The following DOT1L variants were observed in gnomAD, a reference collection of about 807,000 sequenced individuals.
DOT1L encodes the protein histone-lysine N-methyltransferase, H3 lysine-79 specific.
In DOT1L, 33 loss-of-function variants were observed where a neutral mutation model predicts 153.3. That is an observed-to-expected ratio of 0.22 (90% CI 0.16 to 0.29). DOT1L has a LOEUF of 0.29. DOT1L is among the 10% of genes least tolerant of loss of function. The pLI, the probability that DOT1L is intolerant of heterozygous loss-of-function variation, is 1.00. For synonymous variants in DOT1L, 1,135 were observed against 965.1 expected (o/e 1.18, Z -3.26); for missense variants, 1,847 against 2,119.9 (o/e 0.87, Z 2.53).
Position 2,217,909 on chromosome 19 carries a change from C to G in DOT1L, c.2682C>G (p.Ala894=), listed in dbSNP as rs773254605. ...CCAGCGTGGTGCTGCCCAGCCGCGCCGAGAGGGCGGTGAGTGGCTCCCAGG... is the reference window on the plus strand; with the variant it reads ...CCAGCGTGGTGCTGCCCAGCCGCGCGGAGAGGGCGGTGAGTGGCTCCCAGG... ...PLASVVLPSR[A]ERARSTPSPV... Residue 894 remains alanine (A), a synonymous_variant, in exon 22 of 28, where the codon GCC becomes GCG. Coordinates refer to ENST00000398665, the MANE Select transcript of DOT1L (RefSeq NM_032482.3). This position sits in a 1 kb window ranked among gnomAD's most constrained non-coding sequence, Gnocchi z 7.3. 1.9e-6 allele frequency: 3 copies of G among 1,611,766 alleles called. No homozygotes were observed. The highest frequency in any genetic ancestry group is 2.5e-6 in the Non-Finnish European group (3 of 1,179,706).
At chr19:2,177,721 C>T (rs61508172) in intron 1 of DOT1L, among the ~76,000 whole-genome samples, 1 of 152,036 alleles carries the variant, frequency 6.6e-6, no homozygotes, top group Non-Finnish European at 1.5e-5. Context: ...CAGCCCTGCT[C>T]TCCGCTCTGC....
At position 2,216,200 on chromosome 19, in the gene DOT1L, C is replaced by T. The variant is rs575963513; in HGVS notation, c.1924-81C>T. 172 of 1,489,218 alleles carry T rather than the reference C, an allele frequency of 1.2e-4. 3 individuals carry two copies. In the South Asian group the frequency reaches 1.7e-3, roughly 15 times the overall value. 92.3% of individuals were successfully genotyped at this position (1,489,218 alleles called of 1,614,324 possible). ...GCAGCGGGGGTCCTGGCCACCCCTC[C>T]GGGTGTCCATCTGTGGCAGTCTTGG... is the stretch of plus-strand genomic sequence containing the variant. On this transcript the variant is annotated intron_variant, in intron 19 of 27. Transcript: ENST00000398665.
intron 27 of DOT1L, chr19:2,229,450 G>T (rs1452396924): frequency 1.2e-5 from 12 of 985,354 alleles, no homozygotes; most frequent in Admixed American, 6.1e-5. Flanking sequence ...AGCCTGGCGG[G>T]TCAATGCGGG....
At position 2,208,784 on chromosome 19, in the gene DOT1L, T is replaced by TG. The variant is rs2023602265; in HGVS notation, c.964-145dup. On this transcript the variant is annotated intron_variant, in intron 11 of 27. Coordinates refer to ENST00000398665, the MANE Select transcript of DOT1L (RefSeq NM_032482.3). This position sits in a 1 kb window ranked among gnomAD's most constrained non-coding sequence, Gnocchi z 4.4. ...GGTTAGTCACATCCGCGTTTGCCACTGGGGGGCTCTAGCTGCATGCCTGCT... is the reference window on the plus strand; with the variant it reads ...GGTTAGTCACATCCGCGTTTGCCACTGGGGGGGCTCTAGCTGCATGCCTGCT... 6.5e-6 allele frequency: 5 copies of TG among 767,518 alleles called. No homozygotes were observed. The highest frequency in any genetic ancestry group is 4.3e-6 in the Non-Finnish European group (2 of 466,638). The allele number at this position is 767,518 out of a possible 1,614,324, so 47.5% of individuals were successfully genotyped here. A position where few individuals can be genotyped will look rare whatever the true frequency, so the allele number is the denominator to read the frequency against.
chr19:2,193,872 G>T lies in DOT1L; in HGVS notation c.588+89G>T, dbSNP rs2022901098. 2 of 1,365,764 alleles carry T rather than the reference G, an allele frequency of 1.5e-6. No individual in the cohort carries two copies. Among genetic ancestry groups the T allele is most frequent in the Non-Finnish European group, 2.0e-6 (2 of 988,890 alleles). The allele number at this position is 1,365,764 out of a possible 1,614,324, so 84.6% of individuals were successfully genotyped here. A position where few individuals can be genotyped will look rare whatever the true frequency, so the allele number is the denominator to read the frequency against. ...GGGTGCCTGCACCCCACTGCTGTGG[G>T]ACTTCCGAGTCTGGGTGGCGTTCTT... On this transcript the variant is annotated intron_variant, in intron 6 of 27. Transcript: ENST00000398665. This position sits in a 1 kb window ranked among gnomAD's most constrained non-coding sequence, Gnocchi z 5.9.
chr19:2,223,506 G>A lies in DOT1L; in HGVS notation c.3596+20G>A, dbSNP rs747153385. ...TGCTCGGCGAGTCCAGGGGCCCGGA[G>A]GGGGGCGGGGCCTGGCAGCAGGGGC... On this transcript the variant is annotated intron_variant, in intron 25 of 27. Coordinates refer to ENST00000398665, the MANE Select transcript of DOT1L (RefSeq NM_032482.3). The A allele has an allele frequency of 5.0e-6, 8 of 1,587,408 alleles. No homozygotes were observed. Among genetic ancestry groups the A allele is most frequent in the Non-Finnish European group, 6.8e-6 (8 of 1,171,188 alleles).
Position 2,222,221 on chromosome 19 carries a change from G to A in DOT1L, c.3052G>A (p.Gly1018Ser). ...TCCCCGGCTTGGTGGGGCCGCCCAGGGCCCGTTGCCCGAGGCCAGCAAGGG... is the reference window on the plus strand; with the variant it reads ...TCCCCGGCTTGGTGGGGCCGCCCAGAGCCCGTTGCCCGAGGCCAGCAAGGG... ...SSPRLGGAAQ[G>S]PLPEASKGDL... The change falls in exon 24 of 28, where the codon GGC becomes AGC. Residue 1018 changes from glycine to serine, a missense_variant. Coordinates refer to ENST00000398665, the MANE Select transcript of DOT1L (RefSeq NM_032482.3). The surrounding 1 kb of genome is among the most constrained non-coding windows in gnomAD (Gnocchi z 6.5). The A allele has an allele frequency of 6.2e-7, 1 of 1,613,108 alleles. No homozygotes were observed. Among genetic ancestry groups the A allele is most frequent in the Non-Finnish European group, 8.5e-7 (1 of 1,179,882 alleles).
In DOT1L at chr19:2,223,497, G is replaced by A. The variant is rs1357160255; in HGVS notation, c.3596+11G>A. 1.2e-6 allele frequency: 2 copies of A among 1,600,738 alleles called. No individual in the cohort carries two copies. The highest frequency in any genetic ancestry group is 2.7e-5 in the African/African-American group (2 of 74,300). Reference sequence around the variant, plus strand: ...GCCCAGCAGTGCTCGGCGAGTCCAGGGGCCCGGAGGGGGGCGGGGCCTGGC... The same window carrying A: ...GCCCAGCAGTGCTCGGCGAGTCCAGAGGCCCGGAGGGGGGCGGGGCCTGGC... On this transcript the variant is annotated intron_variant, in intron 25 of 27. Coordinates refer to ENST00000398665, the MANE Select transcript of DOT1L (RefSeq NM_032482.3).
intron 19 of DOT1L, 92 bp from the exon 20 acceptor site, chr19:2,216,189 G>A (rs2023890432): frequency 6.7e-7 from 1 of 1,483,528 alleles, no homozygotes; most frequent in Non-Finnish European, 8.9e-7. Flanking sequence ...CGGGGGTCCT[G>A]GCCACCCCTC....
Position 2,222,138 on chromosome 19 carries a change from T to C in DOT1L, c.2969T>C (p.Leu990Pro). Residue 990 changes from leucine to proline, a missense_variant, in exon 24 of 28, where the codon CTG (leucine) becomes CCG (proline). Around this residue, in one of 8 missense-constraint regions of DOT1L, gnomAD observed 934 missense variants for 825.3 expected, o/e 1.13. Coordinates refer to ENST00000398665, the MANE Select transcript of DOT1L (RefSeq NM_032482.3). The surrounding 1 kb of genome is among the most constrained non-coding windows in gnomAD (Gnocchi z 6.5). Reference sequence around the variant, plus strand: ...AGCTCCACGCCACAGCACCCCCTGCTGCTGGCACAGCCCCGGAACTCGCTT... The same window carrying C: ...AGCTCCACGCCACAGCACCCCCTGCCGCTGGCACAGCCCCGGAACTCGCTT... ...SRSSTPQHPL[L>P]LAQPRNSLPA... The C allele has an allele frequency of 6.2e-7, 1 of 1,613,192 alleles. No individual in the cohort carries two copies. The highest frequency in any genetic ancestry group is 8.5e-7 in the Non-Finnish European group (1 of 1,179,890).
Position 2,225,409 on chromosome 19 carries a change from A to G in DOT1L, c.3618A>G (p.Thr1206=). Residue 1206 remains threonine, a synonymous_variant, in exon 26 of 28, where the codon ACA becomes ACG. Coordinates refer to ENST00000398665, the MANE Select transcript of DOT1L (RefSeq NM_032482.3). The stretch of plus-strand genomic sequence containing the variant: ...ACAGAATTGAGAGAAAAATTGCAAC[A>G]ATCTCCTTAGAAAGCAAATCTCCCC... ...SSARIERKIA[T]ISLESKSPPK... 6.2e-7 allele frequency: 1 copy of G among 1,614,126 alleles called. No homozygotes were observed. Among genetic ancestry groups the G allele is most frequent in the Non-Finnish European group, 8.5e-7 (1 of 1,179,992 alleles).
At chr19:2,192,126 G>A (rs1418700874) in intron 5 of DOT1L, among the ~76,000 whole-genome samples, 11 of 152,160 alleles carry the variant, frequency 7.2e-5, no homozygotes, top group South Asian at 6.2e-4. Context: ...GCAGGCACGC[G>A]AGCCCCACGT....
At chr19:2,166,034 T>C (rs1411553997) in intron 1 of DOT1L, among the ~76,000 whole-genome samples, 1 of 151,972 alleles carries the variant, frequency 6.6e-6, no homozygotes, top group Non-Finnish European at 1.5e-5. Flanking sequence ...CCTCCCAAAG[T>C]GCTGGGATTA....
intron 1 of DOT1L, among the ~76,000 whole-genome samples, chr19:2,176,587 A>G (rs12459350): frequency 0.46 from 70,518 of 152,118 alleles, 16,458 homozygotes; most frequent in African/African-American, 0.47. Context: ...TCCCAGGAAC[A>G]TTCTCTGTTC....
chr19:2,176,519 A>G, intron 1 of DOT1L, among the ~76,000 whole-genome samples: 1 of 152,220 alleles, frequency 6.6e-6, no homozygotes, highest in East Asian at 1.9e-4. Flanking sequence ...AGGCAAGGGC[A>G]GGTGACACCG....
chr19:2,193,340 G>C lies in DOT1L; in HGVS notation c.494-349G>C, dbSNP rs1355739398. ...TGGTGACGTGGGGATAATTTGAGGT[G>C]GACGGCAGCCTTTCCAGACCTGCAA... On this transcript the variant is annotated intron_variant, in intron 5 of 27. Coordinates refer to ENST00000398665, the MANE Select transcript of DOT1L (RefSeq NM_032482.3). The surrounding 1 kb of genome is among the most constrained non-coding windows in gnomAD (Gnocchi z 5.9). Among the ~76,000 whole-genome samples, 1 of 152,218 alleles carries C rather than the reference G, an allele frequency of 6.6e-6. No individual in the cohort carries two copies.
At chr19:2,165,358 GAGC>G (rs912372070) in intron 1 of DOT1L, among the ~76,000 whole-genome samples, 2 of 152,198 alleles carry the variant, frequency 1.3e-5, no homozygotes, top group African/African-American at 4.8e-5. Context: ...GAGCGCTGGG[GAGC>G]CCGGGCTGGC....
rs1469586549 is a variant in DOT1L, at chr19:2,223,372, A to G, written c.3482A>G (p.Asp1161Gly). The G allele has an allele frequency of 6.2e-7, 1 of 1,613,714 alleles. No homozygotes were observed. Among genetic ancestry groups the G allele is most frequent in the Non-Finnish European group, 8.5e-7 (1 of 1,179,962 alleles). Residue 1161 changes from aspartate to glycine, a missense_variant, in exon 25 of 28, where the codon GAC becomes GGC. Transcript: ENST00000398665. Reference sequence around the variant, plus strand: ...TCCCCTGTGCCCTACCAGGACCACGACCAGCCCCCCGTGCTCAAGAAGGAG... The same window carrying G: ...TCCCCTGTGCCCTACCAGGACCACGGCCAGCCCCCCGTGCTCAAGAAGGAG... ...KSSPVPYQDH[D>G]QPPVLKKERP...
chr19:2,187,480 G>A (rs998625774), intron 3 of DOT1L, among the ~76,000 whole-genome samples: 4 of 152,218 alleles, frequency 2.6e-5, no homozygotes, highest in Non-Finnish European at 5.9e-5. Context: ...CTGAGGGACC[G>A]AGCCATTAGG....
Sources: allele counts gnomAD v4.1 joint callset (sites outside exome capture counted in the v4.1 genomes callset), GRCh38; gene constraint gnomAD v4.1.1; regional missense constraint gnomAD v4.1.1; non-coding constraint Gnocchi (gnomAD v3.1); transcripts MANE v1.5; gene names NCBI Gene and HGNC (gene_info 2026-07-23, HGNC 2026-07-21).